The following VTI1B variants were observed in gnomAD, a reference collection of about 807,000 sequenced individuals.
VTI1B encodes vesicle transport through interaction with t-SNAREs homolog 1B.
Under a neutral mutation model 28.6 loss-of-function variants are expected in VTI1B, and 18 were observed. That is an observed-to-expected ratio of 0.63 (90% CI 0.43 to 0.93). The LOEUF is 0.93. VTI1B is among the 40% of genes least tolerant of loss of function. VTI1B has a pLI of 0.00. For synonymous variants in VTI1B, 100 were observed against 107.9 expected (o/e 0.93, Z 0.46); for missense variants, 283 against 297.0 (o/e 0.95, Z 0.35).
intron 1 of VTI1B, among the ~76,000 whole-genome samples, chr14:67,667,530 A>G (rs1368155238): frequency 6.6e-6 from 1 of 152,244 alleles, no homozygotes; most frequent in East Asian, 1.9e-4. Context: ...AATAATACAC[A>G]TAACATTCAC....
Position 67,655,071 on chromosome 14 carries a change from G to A in VTI1B, c.540+1345C>T, listed in dbSNP as rs2037237459. 2.0e-5 allele frequency among the ~76,000 whole-genome samples: 3 copies of A among 146,668 alleles called. No individual in the cohort carries two copies. In the South Asian group the frequency reaches 6.5e-4, roughly 32 times the overall value. On this transcript the variant is annotated intron_variant, in intron 4 of 5. Coordinates refer to ENST00000554659, the MANE Select transcript of VTI1B (RefSeq NM_006370.3). ...AAAAAAAATTCCAGCTGGGCACAGT[G>A]GCTCATGCCTGTAATCCTAGCGCTT...
At chr14:67,671,528 A>G (rs1272038388) in intron 1 of VTI1B, among the ~76,000 whole-genome samples, 1 of 152,188 alleles carries the variant, frequency 6.6e-6, no homozygotes, top group African/African-American at 2.4e-5. Flanking sequence ...TCTATCTCAA[A>G]AAAACAAAAA....
Position 67,649,351 on chromosome 14 carries a change from G to C in VTI1B, c.*2034C>G, listed in dbSNP as rs1043556396. ...AGCGTGGGCAACATAGTGTGACCCC[G>C]TTTCTACAAAAAATAATTAGCCAGG... On this transcript the variant is annotated 3_prime_UTR_variant, in exon 6 of 6. Transcript: ENST00000554659. The C allele has an allele frequency of 6.6e-6, 1 of 152,050 alleles. No individual in the cohort carries two copies. Among genetic ancestry groups the C allele is most frequent in the Non-Finnish European group, 1.5e-5 (1 of 68,020 alleles). The allele number at this position is 152,050 out of a possible 1,614,324, so 9.4% of individuals were successfully genotyped here.
rs1594844235 is a variant in VTI1B at position 67,674,571 on chromosome 14, C to T, written c.-82G>A. On this transcript the variant is annotated 5_prime_UTR_variant, in exon 1 of 6. Transcript: ENST00000554659. The stretch of plus-strand genomic sequence containing the variant: ...TAGCCCGGCGGTCAGCCGCCCAGCC[C>T]AGTGGCCATAACGGCGACCGCCGCA... 7.9e-7 allele frequency: 1 copy of T among 1,260,504 alleles called. No individual in the cohort carries two copies. The highest frequency in any genetic ancestry group is 1.0e-6 in the Non-Finnish European group (1 of 952,418). 78.1% of individuals were successfully genotyped at this position (1,260,504 alleles called of 1,614,324 possible).
intron 4 of VTI1B, among the ~76,000 whole-genome samples, 183 bp from the exon 5 acceptor site, chr14:67,653,681 A>T (rs1413754824): frequency 6.6e-6 from 1 of 152,192 alleles, no homozygotes; most frequent in Non-Finnish European, 1.5e-5. Context: ...ATATTTTAGT[A>T]CTCATCAAGT....
chr14:67,670,677 T>C (rs530964668), intron 1 of VTI1B, among the ~76,000 whole-genome samples: 2 of 152,156 alleles, frequency 1.3e-5, no homozygotes, highest in South Asian at 4.2e-4. Context: ...TACAGGCACA[T>C]GCCACCACAC....
chr14:67,662,494 GT>G lies in VTI1B; in HGVS notation c.156del (p.Gln52HisfsTer26). On this transcript the variant is annotated frameshift_variant, in exon 2 of 6. Transcript: ENST00000554659. LOFTEE classifies it high-confidence loss of function. ...KKLIRDFDEKQQEANETLAEM... is the reference protein window; with the variant it reads ...KKLIRDFDEKXQEANETLAEM... ...GTTCTCACCGTTTCATTTGCTTCCTGTTGCTTTTCATCAAAATCCCTGATCA... is the reference window on the plus strand; with the variant it reads ...GTTCTCACCGTTTCATTTGCTTCCTGTGCTTTTCATCAAAATCCCTGATCA... 6.2e-7 allele frequency: 1 copy of G among 1,611,726 alleles called. No individual in the cohort carries two copies. The highest frequency in any genetic ancestry group is 8.5e-7 in the Non-Finnish European group (1 of 1,179,392).
chr14:67,656,666 C>T (rs1264254976), intron 3 of VTI1B, 77 bp from the exon 4 acceptor site: 1 of 1,469,572 alleles, frequency 6.8e-7, no homozygotes, highest in African/African-American at 1.4e-5. Context: ...CATCACCTTC[C>T]CCATGTTAGA....
At chr14:67,668,698 T>C (rs1566817638) in intron 1 of VTI1B, among the ~76,000 whole-genome samples, 5 of 152,210 alleles carry the variant, frequency 3.3e-5, no homozygotes, top group Non-Finnish European at 1.5e-5. Context: ...TCTAGCTCAG[T>C]GGCTTTCACA....
rs943636389 is a variant in VTI1B, at chr14:67,649,571, G to A, written c.*1814C>T. The A allele has an allele frequency of 6.6e-6, 1 of 152,144 alleles. No homozygotes were observed. Among genetic ancestry groups the A allele is most frequent in the Non-Finnish European group, 1.5e-5 (1 of 68,042 alleles). The allele number at this position is 152,144 out of a possible 1,614,324, so 9.4% of individuals were successfully genotyped here. On this transcript the variant is annotated 3_prime_UTR_variant, in exon 6 of 6. Coordinates refer to ENST00000554659, the MANE Select transcript of VTI1B (RefSeq NM_006370.3). ...ACTTCTGGGATATGCTAAAGGTGCA[G>A]GTTTAGTCAGTGGAAATCAGAGACA...
At chr14:67,660,050 A>C (rs2037316741) in intron 2 of VTI1B, 128 bp from the exon 3 acceptor site, 1 of 978,654 alleles carries the variant, frequency 1.0e-6, no homozygotes, top group Non-Finnish European at 1.5e-6. Context: ...CATATGCTCC[A>C]TGAGGCAGGG....
At chr14:67,663,179 T>C in intron 1 of VTI1B, 2 of 1,530,986 alleles carry the variant, frequency 1.3e-6, no homozygotes, top group Non-Finnish European at 8.7e-7. Flanking sequence ...ACCTAAAAAT[T>C]ACTAATCTCC....
At chr14:67,671,255 G>A (rs931558525) in intron 1 of VTI1B, among the ~76,000 whole-genome samples, 3 of 152,200 alleles carry the variant, frequency 2.0e-5, no homozygotes, top group African/African-American at 7.2e-5. Flanking sequence ...GTTGGGCGCA[G>A]TGGCTCACAC....
In VTI1B at chr14:67,648,175, A is replaced by G. The variant is rs1169829130; in HGVS notation, c.*3210T>C. Reference sequence around the variant, plus strand: ...GGCATGTATATTGCTGAGGAAATACACAATACAGGTATGTAGCAACCAGGT... The same window carrying G: ...GGCATGTATATTGCTGAGGAAATACGCAATACAGGTATGTAGCAACCAGGT... On this transcript the variant is annotated 3_prime_UTR_variant, in exon 6 of 6. Transcript: ENST00000554659. The G allele has an allele frequency of 3.7e-6, 6 of 1,613,698 alleles. No individual in the cohort carries two copies. Among genetic ancestry groups the G allele is most frequent in the Non-Finnish European group, 5.1e-6 (6 of 1,179,822 alleles).
chr14:67,664,760 G>A (rs952489141), intron 1 of VTI1B, among the ~76,000 whole-genome samples: 1 of 152,052 alleles, frequency 6.6e-6, no homozygotes, highest in African/African-American at 2.4e-5. Context: ...CAGCCTTTCC[G>A]CTGCAAAAGA....
intron 1 of VTI1B, among the ~76,000 whole-genome samples, chr14:67,673,141 G>C (rs950694486): frequency 6.6e-6 from 1 of 152,266 alleles, no homozygotes; most frequent in South Asian, 2.1e-4. Context: ...TCAGGAGTTA[G>C]AGATCAGCCT....
intron 4 of VTI1B, among the ~76,000 whole-genome samples, chr14:67,654,323 TCTAGAGATGAGGTCTCGC>T (rs2037227221): frequency 6.1e-3 from 4 of 658 alleles, no homozygotes; most frequent in Admixed American, 0.059. Flanking sequence ...GAGGTCTCGC[TCTAGAGATGAGGTCTCGC>T]TATGTTGCCC....
At position 67,674,229 on chromosome 14, in the gene VTI1B, G is replaced by A. The variant is rs2037504265; in HGVS notation, c.115+146C>T. The stretch of plus-strand genomic sequence containing the variant: ...CTCTCAGTGGCAGCAGGGAGACCTG[G>A]GGCTGGGACAAGCCAGCCCTAGGGG... On this transcript the variant is annotated intron_variant, in intron 1 of 5. Coordinates refer to ENST00000554659, the MANE Select transcript of VTI1B (RefSeq NM_006370.3). 5 of 651,154 alleles carry A rather than the reference G, an allele frequency of 7.7e-6. No homozygotes were observed. In the South Asian group the frequency reaches 1.2e-4, roughly 15 times the overall value. 40.3% of individuals were successfully genotyped at this position (651,154 alleles called of 1,614,324 possible).
rs752635343 is a variant in VTI1B at position 67,648,069 on chromosome 14, A to C, written c.*3316T>G. ...TAGGAGACAAAGACCAATCCATTTG[A>C]GTTTTGATATTGATGCATTTGACCC... On this transcript the variant is annotated 3_prime_UTR_variant, in exon 6 of 6. Transcript: ENST00000554659. 4 of 1,613,184 alleles carry C rather than the reference A, an allele frequency of 2.5e-6. No individual in the cohort carries two copies. In the Admixed American group the frequency reaches 6.7e-5, roughly 27 times the overall value.
Sources: allele counts gnomAD v4.1 joint callset (sites outside exome capture counted in the v4.1 genomes callset), GRCh38; gene constraint gnomAD v4.1.1; transcripts MANE v1.5; gene names NCBI Gene and HGNC (gene_info 2026-07-23, HGNC 2026-07-21).